GALNTL6: variants seen among roughly 807,000 people sequenced by gnomAD.
GALNTL6 encodes the protein polypeptide N-acetylgalactosaminyltransferase like 6, also known as polypeptide N-acetylgalactosaminyltransferase-like 6.
Under a neutral mutation model 73.7 loss-of-function variants are expected in GALNTL6, and 46 were observed. The ratio of observed to expected loss-of-function variants is 0.62; its 90% confidence interval spans 0.49 to 0.80. The LOEUF (loss-of-function observed/expected upper bound fraction) is 0.80. Ranked by LOEUF, GALNTL6 falls within the 30% of genes least tolerant of loss-of-function variation. GALNTL6 has a pLI of 0.00. For synonymous variants in GALNTL6, 259 were observed against 263.7 expected, an observed-to-expected ratio of 0.98 and a Z score of 0.17; for missense variants, 604 against 755.0, an observed-to-expected ratio of 0.80 and a Z score of 2.34.
chr4:171,995,164 A>G (rs1740450771), intron 2 of GALNTL6, among the ~76,000 whole-genome samples: 2 of 152,018 alleles, frequency 1.3e-5, no homozygotes, highest in Non-Finnish European at 2.9e-5. Flanking sequence ...AAAGTGTTTT[A>G]TGAGACATTT....
Position 172,628,845 on chromosome 4 carries a change from C to A in GALNTL6, c.554-180516C>A, listed in dbSNP as rs837193. 1.6e-3 allele frequency among the ~76,000 whole-genome samples: 249 copies of A among 152,110 alleles called. 1 individual carries two copies. The highest frequency in any genetic ancestry group is 3.4e-3 in the Middle Eastern group (1 of 294). On this transcript the variant is annotated intron_variant, in intron 5 of 12. Coordinates refer to ENST00000506823, the MANE Select transcript of GALNTL6 (RefSeq NM_001034845.3). ...ATATTTTCCTAAGAAGAAAATGTAA[C>A]CTTTCTTGGTAATTTTTGATGAATA...
intron 5 of GALNTL6, among the ~76,000 whole-genome samples, chr4:172,711,548 A>T (rs1734705032): frequency 6.6e-6 from 1 of 152,184 alleles, no homozygotes; most frequent in African/African-American, 2.4e-5. Flanking sequence ...GTGCCGGGTG[A>T]ACAAGGTAGG....
intron 5 of GALNTL6, among the ~76,000 whole-genome samples, chr4:172,363,309 C>A (rs1237390967): frequency 6.6e-6 from 1 of 152,164 alleles, no homozygotes; most frequent in African/African-American, 2.4e-5. Flanking sequence ...AAGAGAATAA[C>A]ATCTTCAGCC....
chr4:173,023,975 A>G (rs72708772), intron 12 of GALNTL6, among the ~76,000 whole-genome samples: 12,602 of 152,200 alleles, frequency 0.083, 984 homozygotes, highest in African/African-American at 0.2. Flanking sequence ...TTAGTATGTT[A>G]GTGGTTCCTA....
intron 3 of GALNTL6, among the ~76,000 whole-genome samples, chr4:172,296,214 TG>T (rs1188846694): frequency 6.6e-6 from 1 of 152,220 alleles, no homozygotes; most frequent in East Asian, 1.9e-4. Context: ...ATGAATATTT[TG>T]CCTATATTGA....
intron 2 of GALNTL6, among the ~76,000 whole-genome samples, chr4:172,164,318 T>C (rs1734557782): frequency 6.6e-6 from 1 of 152,028 alleles, no homozygotes; most frequent in African/African-American, 2.4e-5. Flanking sequence ...AATTATTTGC[T>C]TATACATTTA....
chr4:172,967,919 G>A (rs1023599742), intron 10 of GALNTL6, among the ~76,000 whole-genome samples: 5 of 152,096 alleles, frequency 3.3e-5, no homozygotes, highest in African/African-American at 1.2e-4. Context: ...CTTCCCTGTT[G>A]AAAATGATGG....
At chr4:172,030,876 G>A (rs1490020773) in intron 2 of GALNTL6, among the ~76,000 whole-genome samples, 1 of 151,788 alleles carries the variant, frequency 6.6e-6, no homozygotes, top group East Asian at 1.9e-4. Context: ...TCTGGAAATA[G>A]TTTACTATAG....
chr4:171,893,958 C>T (rs1736830613), intron 2 of GALNTL6, among the ~76,000 whole-genome samples: 1 of 132,224 alleles, frequency 7.6e-6, no homozygotes, highest in Non-Finnish European at 1.6e-5. Flanking sequence ...TGCCCACCCA[C>T]CCACCCCTCT....
intron 5 of GALNTL6, among the ~76,000 whole-genome samples, chr4:172,356,423 G>T (rs74981318): frequency 0.023 from 3,438 of 151,072 alleles, 123 homozygotes; most frequent in African/African-American, 0.078. Flanking sequence ...ATATCCATCT[G>T]CTCTTAATTT....
chr4:172,777,450 A>G (rs1187733467), intron 5 of GALNTL6, among the ~76,000 whole-genome samples: 2 of 152,158 alleles, frequency 1.3e-5, no homozygotes, highest in African/African-American at 4.8e-5. Context: ...CCAGATCTCA[A>G]TTTCTTAAAA....
At chr4:172,484,331 G>A (rs1270530381) in intron 5 of GALNTL6, among the ~76,000 whole-genome samples, 1 of 152,114 alleles carries the variant, frequency 6.6e-6, no homozygotes, top group Non-Finnish European at 1.5e-5. Context: ...GTTTTCCTGA[G>A]AAACAGACCA....
intron 2 of GALNTL6, among the ~76,000 whole-genome samples, chr4:171,920,087 A>T (rs1195676563): frequency 6.6e-6 from 1 of 152,166 alleles, no homozygotes; most frequent in Non-Finnish European, 1.5e-5. Context: ...ATAAAAAATG[A>T]TGAAGCTGGA....
At chr4:172,076,855 C>T (rs529792329) in intron 2 of GALNTL6, among the ~76,000 whole-genome samples, 2 of 152,244 alleles carry the variant, frequency 1.3e-5, no homozygotes, top group African/African-American at 4.8e-5. Flanking sequence ...TGTGTCCCCA[C>T]CAAAATCTCA....
chr4:172,176,795 A>C (rs955869735), intron 2 of GALNTL6, among the ~76,000 whole-genome samples: 1 of 152,180 alleles, frequency 6.6e-6, no homozygotes, highest in Non-Finnish European at 1.5e-5. Flanking sequence ...TCTCTAGAAA[A>C]ATAGAAATAA....
chr4:172,797,405 C>T (rs1001778782), intron 5 of GALNTL6, among the ~76,000 whole-genome samples: 4 of 152,040 alleles, frequency 2.6e-5, no homozygotes, highest in Non-Finnish European at 5.9e-5. Context: ...CCGCTACGCC[C>T]GGCTAATTTT....
intron 5 of GALNTL6, among the ~76,000 whole-genome samples, chr4:172,351,226 T>TCTATCTAC (rs1741933794): frequency 2.6e-5 from 4 of 151,836 alleles, no homozygotes; most frequent in African/African-American, 9.7e-5. Flanking sequence ...TATCTATCTA[T>TCTATCTAC]CTACCTCTTT....
chr4:172,478,277 G>A lies in GALNTL6; in HGVS notation c.553+129588G>A, dbSNP rs72704838. On this transcript the variant is annotated intron_variant, in intron 5 of 12. Coordinates refer to ENST00000506823, the MANE Select transcript of GALNTL6 (RefSeq NM_001034845.3). ...ACCTAACTTTGTTTGCTACAAGGCT[G>A]TAGTAACCAAACAGCATGGACTCGT... Among the ~76,000 whole-genome samples, 746 of 152,322 alleles carry A rather than the reference G, an allele frequency of 4.9e-3. 1 individual carries two copies. The highest frequency in any genetic ancestry group is 0.014 in the Middle Eastern group (4 of 294).
intron 4 of GALNTL6, among the ~76,000 whole-genome samples, chr4:172,333,036 G>T (rs1224811204): frequency 6.6e-6 from 1 of 152,036 alleles, no homozygotes; most frequent in East Asian, 1.9e-4. Flanking sequence ...GTTTTGAGTT[G>T]CATATCTCTG....
Sources: gnomAD v4.1 joint callset for allele counts (sites outside exome capture counted in the v4.1 genomes callset) on GRCh38, gnomAD v4.1.1 for gene constraint, MANE v1.5 for transcripts, NCBI Gene and HGNC (gene_info 2026-07-23, HGNC 2026-07-21) for gene names.